The following RAB27B variants were observed in gnomAD, a reference collection of about 807,000 sequenced individuals.
RAB27B encodes the protein ras-related protein Rab-27B.
RAB27B carries 15 observed loss-of-function variants against 24.6 expected under a neutral mutation model. The ratio of observed to expected loss-of-function variants is 0.61; its 90% CI spans 0.41 to 0.94. The LOEUF is 0.94. Ranked by LOEUF, RAB27B falls within the 40% of genes least tolerant of loss-of-function variation. The pLI, the probability that RAB27B is intolerant of heterozygous loss-of-function variation, is 0.00. For synonymous variants in RAB27B, 105 were observed against 92.5 expected, an observed-to-expected ratio of 1.14 and a Z score of -0.78; for missense variants, 261 against 266.8, an observed-to-expected ratio of 0.98 and a Z score of 0.15.
At chr18:54,801,449 T>C (rs1036272770) in intron 2 of RAB27B, among the ~76,000 whole-genome samples, 1 of 152,194 alleles carries the variant, frequency 6.6e-6, no homozygotes, top group South Asian at 2.1e-4. Context: ...CTTAAAAAAC[T>C]GGAAAATCTG....
At chr18:54,774,885 G>A (rs559253261) in intron 2 of RAB27B, among the ~76,000 whole-genome samples, 3 of 152,304 alleles carry the variant, frequency 2.0e-5, no homozygotes, top group Non-Finnish European at 4.4e-5. Context: ...CGGGATCAGA[G>A]GCTGCTTGTG....
intron 2 of RAB27B, among the ~76,000 whole-genome samples, chr18:54,725,635 C>T (rs1909512365): frequency 6.6e-6 from 1 of 151,432 alleles, no homozygotes; most frequent in African/African-American, 2.4e-5. Flanking sequence ...GCAGAGGGCA[C>T]CTCTTCACAC....
rs201475957 is a variant in RAB27B at position 54,850,736 on chromosome 18, CT to C, written c.-20+22040del. ...GACTGATGAAGGGACTTATTCAGTG[CT>C]TTTCCTTTATGCACTGATATTTATT... On this transcript the variant is annotated intron_variant, in intron 1 of 5. Transcript: ENST00000262094. 6.5e-3 allele frequency among the ~76,000 whole-genome samples: 982 copies of C among 150,962 alleles called. 10 individuals carry two copies. Among genetic ancestry groups the C allele is most frequent in the African/African-American group, 0.023 (945 of 41,224 alleles).
intron 1 of RAB27B, among the ~76,000 whole-genome samples, chr18:54,851,126 A>C (rs145366164): frequency 6.6e-6 from 1 of 152,218 alleles, no homozygotes; most frequent in South Asian, 2.1e-4. Flanking sequence ...TATTCTATAT[A>C]TATCTACACT....
Position 54,877,641 on chromosome 18 carries a change from G to C in RAB27B, c.56G>C (p.Gly19Ala). The C allele has an allele frequency of 6.3e-7, 1 of 1,595,960 alleles. No individual in the cohort carries two copies. The highest frequency in any genetic ancestry group is 8.5e-7 in the Non-Finnish European group (1 of 1,174,522). Residue 19 changes from glycine (G) to alanine (A), a missense_variant, in exon 2 of 6, where the codon GGG (glycine) becomes GCG (alanine). By Grantham distance (60) the Gly-to-Ala change is moderately conservative (BLOSUM62 0). Coordinates refer to ENST00000262094, the MANE Select transcript of RAB27B (RefSeq NM_004163.4). ...AAACTCCTGGCCCTCGGGGATTCAG[G>C]GGTGGGGAAGACAACATTTCTTTAT... The part of the protein sequence containing the change: ...LIKLLALGDS[G>A]VGKTTFLYRY...
intron 2 of RAB27B, among the ~76,000 whole-genome samples, chr18:54,718,425 A>G (rs574088130): frequency 1.3e-5 from 2 of 152,294 alleles, no homozygotes; most frequent in Admixed American, 6.5e-5. Context: ...GACTGCGTGC[A>G]TGGATTCTGC....
At chr18:54,828,033 T>C (rs557371469), upstream of RAB27B, among the ~76,000 whole-genome samples, 17 of 152,186 alleles carry the variant, frequency 1.1e-4, no homozygotes, top group Non-Finnish European at 1.8e-4. Context: ...AATGCATTCA[T>C]ACGAACACAT....
At chr18:54,777,043 C>CA (rs11412442) in intron 2 of RAB27B, among the ~76,000 whole-genome samples, 11,226 of 150,124 alleles carry the variant, frequency 0.075, 602 homozygotes, top group African/African-American at 0.13. Flanking sequence ...GTCTTGGTCT[C>CA]AAAAAAAAAT....
At chr18:54,799,967 G>T (rs1006411518) in intron 2 of RAB27B, among the ~76,000 whole-genome samples, 10 of 152,050 alleles carry the variant, frequency 6.6e-5, no homozygotes, top group African/African-American at 2.4e-4. Flanking sequence ...TTTTTAAGGA[G>T]AATAACCGTT....
At chr18:54,800,950 A>T (rs1464591167) in intron 2 of RAB27B, among the ~76,000 whole-genome samples, 2 of 149,310 alleles carry the variant, frequency 1.3e-5, no homozygotes, top group Admixed American at 1.3e-4. Context: ...AGACCACTAA[A>T]TTTTATTTTA....
intron 2 of RAB27B, among the ~76,000 whole-genome samples, chr18:54,771,241 T>C (rs1381199808): frequency 1.3e-5 from 2 of 151,946 alleles, no homozygotes; most frequent in African/African-American, 4.8e-5. Context: ...TCATAAACAG[T>C]TTTATTGAAG....
chr18:54,838,821 A>G (rs1910995871), intron 1 of RAB27B, among the ~76,000 whole-genome samples: 1 of 152,118 alleles, frequency 6.6e-6, no homozygotes. Flanking sequence ...TTGGCTACTT[A>G]TATTATTCAC....
chr18:54,794,187 G>A (rs2145117338), intron 2 of RAB27B, among the ~76,000 whole-genome samples: 1 of 152,156 alleles, frequency 6.6e-6, no homozygotes, highest in South Asian at 2.1e-4. Context: ...TTGGTTATGA[G>A]AATTAAGTAA....
At chr18:54,766,196 C>T (rs750104739) in intron 2 of RAB27B, among the ~76,000 whole-genome samples, 3 of 152,038 alleles carry the variant, frequency 2.0e-5, no homozygotes, top group Non-Finnish European at 2.9e-5. Flanking sequence ...ATGGTAGACC[C>T]TCCAGAAATA....
chr18:54,875,347 T>C (rs1239288161), intron 1 of RAB27B, among the ~76,000 whole-genome samples: 1 of 152,096 alleles, frequency 6.6e-6, no homozygotes, highest in Non-Finnish European at 1.5e-5. Context: ...AAATTTTTTT[T>C]TGGAGAATCT....
chr18:54,810,250 G>A (rs1000117813), intron 2 of RAB27B, among the ~76,000 whole-genome samples: 1 of 152,060 alleles, frequency 6.6e-6, no homozygotes, highest in African/African-American at 2.4e-5. Context: ...TCACAGTGAG[G>A]CCTGTCATTT....
At position 54,733,661 on chromosome 18, in the gene RAB27B, C is replaced by CCG. The variant is rs1449262079; in HGVS notation, c.-20+15521_-20+15522insGC. Among the ~76,000 whole-genome samples, 4 of 131,416 alleles carry CCG rather than the reference C, an allele frequency of 3.0e-5. No individual in the cohort carries two copies. The East Asian group carries it at 9.2e-4, about 30-fold the overall frequency. The allele number at this position is 131,416 out of a possible 152,430, so 86.2% of individuals were successfully genotyped here. On this transcript the variant is annotated intron_variant, in intron 2 of 4. Coordinates refer to the RAB27B transcript ENST00000586570. ...TCTTCTGTTCTAGAGCCCCCCCCCC[C>CCG]CAAATTTGCTAAGCTCCTTGGCCTT... is the stretch of plus-strand genomic sequence containing the variant.
At chr18:54,799,144 T>A (rs975274838) in intron 2 of RAB27B, among the ~76,000 whole-genome samples, 2 of 152,230 alleles carry the variant, frequency 1.3e-5, no homozygotes, top group Non-Finnish European at 2.9e-5. Context: ...TAATTTTTTT[T>A]AACTAAAATT....
At chr18:54,749,635 A>AT (rs1568051578) in intron 2 of RAB27B, among the ~76,000 whole-genome samples, 12 of 152,160 alleles carry the variant, frequency 7.9e-5, no homozygotes, top group Admixed American at 6.6e-5. Flanking sequence ...CTGAAAAACA[A>AT]TTTTTTTATT....
Sources: gnomAD v4.1 joint callset for allele counts (sites outside exome capture counted in the v4.1 genomes callset) on GRCh38, gnomAD v4.1.1 for gene constraint, MANE v1.5 for transcripts, NCBI Gene and HGNC (gene_info 2026-07-23, HGNC 2026-07-21) for gene names.